UTS2B: variants seen among roughly 807,000 people sequenced by gnomAD.
UTS2B encodes the protein urotensin 2B.
UTS2B carries 21 observed loss-of-function variants against 19.2 expected under a neutral mutation model. The observed-to-expected ratio is 1.09, with a 90% CI of 0.78 to 1.58. UTS2B has a LOEUF of 1.58. UTS2B is among the 40% of genes most tolerant of loss of function. The probability of loss-of-function intolerance (pLI) is 0.00; values close to 1 mark genes in which losing one functional copy is unlikely to be tolerated. For synonymous variants in UTS2B, 57 were observed against 50.2 expected, an observed-to-expected ratio of 1.14 and a Z score of -0.58; for missense variants, 138 against 130.3, an observed-to-expected ratio of 1.06 and a Z score of -0.29.
rs148622377 is a variant in UTS2B at position 191,277,018 on chromosome 3, T to C, written c.203-174A>G. Among the ~76,000 whole-genome samples, 3 of 152,340 alleles carry C rather than the reference T, an allele frequency of 2.0e-5. No individual in the cohort carries two copies. In the East Asian group the frequency reaches 5.8e-4, roughly 29 times the overall value. The stretch of plus-strand genomic sequence containing the variant: ...AGTATATTTCTCAATGCCCATAGTA[T>C]TGAAATGCAATCAGTTATGTCATCT... On this transcript the variant is annotated intron_variant, in intron 6 of 8. Coordinates refer to ENST00000340524, the MANE Select transcript of UTS2B (RefSeq NM_198152.5).
intron 3 of UTS2B, among the ~76,000 whole-genome samples, chr3:191,312,976 A>G (rs1717343617): frequency 6.6e-6 from 1 of 152,082 alleles, no homozygotes; most frequent in South Asian, 2.1e-4. Context: ...GTTCAAGGTC[A>G]TAGGATAAGT....
intron 2 of UTS2B, among the ~76,000 whole-genome samples, chr3:191,319,092 T>G (rs1444601720): frequency 1.3e-5 from 2 of 152,086 alleles, no homozygotes; most frequent in African/African-American, 4.8e-5. Flanking sequence ...GCTGACACTT[T>G]GCTGAATTTT....
chr3:191,276,033 T>G (rs1216100464), intron 7 of UTS2B, among the ~76,000 whole-genome samples: 1 of 152,202 alleles, frequency 6.6e-6, no homozygotes, highest in Non-Finnish European at 1.5e-5. Context: ...GAGCTACAAA[T>G]TATTGTGTCA....
At chr3:191,293,649 C>A (rs1218103733) in intron 4 of UTS2B, among the ~76,000 whole-genome samples, 5 of 151,878 alleles carry the variant, frequency 3.3e-5, no homozygotes, top group Non-Finnish European at 7.4e-5. Context: ...TAAGAAGAGC[C>A]ATGAGATATA....
intron 3 of UTS2B, among the ~76,000 whole-genome samples, chr3:191,310,241 C>G (rs542561255): frequency 6.6e-6 from 1 of 151,914 alleles, no homozygotes; most frequent in Non-Finnish European, 1.5e-5. Context: ...GCTGGGATTA[C>G]AGGCGTAAGC....
chr3:191,275,148 C>T, intron 8 of UTS2B, 104 bp downstream of exon 8: 1 of 800,022 alleles, frequency 1.2e-6, no homozygotes, highest in Non-Finnish European at 2.0e-6. Flanking sequence ...TATTGGTCAC[C>T]ACCATAAGAT....
chr3:191,335,755 G>A, the UTS2B span, among the ~76,000 whole-genome samples: 1 of 152,008 alleles, frequency 6.6e-6, no homozygotes, highest in Non-Finnish European at 1.5e-5. Flanking sequence ...ATTTATCAGT[G>A]GTTCTTTCCT....
rs1716818412 is a variant in UTS2B, at chr3:191,294,958, G to A, written c.-125+9534C>T. On this transcript the variant is annotated intron_variant, in intron 4 of 8. Coordinates refer to ENST00000340524, the MANE Select transcript of UTS2B (RefSeq NM_198152.5). ...AGTTATAAGAATCGCTTGATCCTGG[G>A]AGATTGAGCTTCCAGTGAGCTGAGA... is the stretch of plus-strand genomic sequence containing the variant. Among the ~76,000 whole-genome samples, 3 of 151,902 alleles carry A rather than the reference G, an allele frequency of 2.0e-5. No individual in the cohort carries two copies. The South Asian group carries it at 6.2e-4, about 31-fold the overall frequency.
intron 5 of UTS2B, among the ~76,000 whole-genome samples, chr3:191,281,721 C>T (rs1274539739): frequency 7.1e-6 from 1 of 139,888 alleles, no homozygotes; most frequent in Non-Finnish European, 1.6e-5. Context: ...TCTCCTTTTC[C>T]TTTCCCCAAG....
intron 3 of UTS2B, among the ~76,000 whole-genome samples, chr3:191,313,648 CTTAGT>C (rs573639754): frequency 5.1e-4 from 77 of 151,614 alleles, no homozygotes; most frequent in African/African-American, 1.4e-3. Flanking sequence ...ATAGACGCAG[CTTAGT>C]TTAGTTTTTA....
At chr3:191,340,646 T>C in the UTS2B span, among the ~76,000 whole-genome samples, 13 of 152,178 alleles carry the variant, frequency 8.5e-5, no homozygotes, top group Non-Finnish European at 1.9e-4. Flanking sequence ...GACATTCAGC[T>C]GAAAAAGTTT....
At chr3:191,320,385 G>T (rs1042800845) in intron 2 of UTS2B, among the ~76,000 whole-genome samples, 8 of 152,220 alleles carry the variant, frequency 5.3e-5, no homozygotes, top group Non-Finnish European at 8.8e-5. Flanking sequence ...TGAGGACAGG[G>T]CAGTGAGAAG....
In UTS2B at chr3:191,304,514, C is replaced by T. The variant is rs1717086767; in HGVS notation, c.-147G>A. On this transcript the variant is annotated 5_prime_UTR_variant, in exon 4 of 9. The change creates a premature stop within an existing upstream ORF in the 5' untranslated region. Coordinates refer to ENST00000340524, the MANE Select transcript of UTS2B (RefSeq NM_198152.5). ...CACCATTCTCTCGTGCTATTTCCTCCCAAATAAACTCCTTTGACTTGGATC... is the reference window on the plus strand; with the variant it reads ...CACCATTCTCTCGTGCTATTTCCTCTCAAATAAACTCCTTTGACTTGGATC... 6.6e-6 allele frequency: 1 copy of T among 152,158 alleles called. No homozygotes were observed. The highest frequency in any genetic ancestry group is 2.4e-5 in the African/African-American group (1 of 41,432). The allele number at this position is 152,158 out of a possible 1,614,324, so 9.4% of individuals were successfully genotyped here. A position where few individuals can be genotyped will look rare whatever the true frequency, so the allele number is the denominator to read the frequency against.
intron 2 of UTS2B, chr3:191,328,114 C>T (rs569427455): frequency 2.6e-5 from 4 of 152,314 alleles, no homozygotes; most frequent in Non-Finnish European, 2.9e-5. Context: ...CTATACTTTG[C>T]TACCCTCTGG....
At position 191,302,949 on chromosome 3, in the gene UTS2B, C is replaced by T. The variant is rs181921407; in HGVS notation, c.-125+1543G>A. Among the ~76,000 whole-genome samples the T allele has an allele frequency of 2.5e-4, 38 of 152,258 alleles. 1 individual carries two copies. Among genetic ancestry groups the T allele is most frequent in the Admixed American group, 2.2e-3 (33 of 15,300 alleles). On this transcript the variant is annotated intron_variant, in intron 4 of 8. Coordinates refer to ENST00000340524, the MANE Select transcript of UTS2B (RefSeq NM_198152.5). ...AAAGAAAGTTCCTGTGAAAGGAATG[C>T]AATTGTCATGAGGCCCCTCCTTACA...
intron 3 of UTS2B, among the ~76,000 whole-genome samples, chr3:191,312,909 A>ATGAAAT (rs1174450189): frequency 6.6e-6 from 1 of 152,252 alleles, no homozygotes; most frequent in Non-Finnish European, 1.5e-5. Flanking sequence ...AACGAGGCAC[A>ATGAAAT]GAAATGAAAA....
At chr3:191,275,631 G>C (rs3732708) in intron 7 of UTS2B, among the ~76,000 whole-genome samples, 4,466 of 151,870 alleles carry the variant, frequency 0.029, 143 homozygotes, top group South Asian at 0.12. Context: ...AGTGAGCCGA[G>C]ATTGCACCAC....
At chr3:191,317,972 A>G (rs759644102) in intron 2 of UTS2B, among the ~76,000 whole-genome samples, 3 of 152,190 alleles carry the variant, frequency 2.0e-5, no homozygotes, top group South Asian at 2.1e-4. Context: ...GTCAAGGCTT[A>G]TAAGTCTCAG....
chr3:191,332,347 A>G (rs942508794), upstream of UTS2B, among the ~76,000 whole-genome samples: 1 of 152,232 alleles, frequency 6.6e-6, no homozygotes, highest in Admixed American at 6.5e-5. Context: ...AAATCTCTTA[A>G]ACTGGGAGAC....
Sources: gnomAD v4.1 joint callset for allele counts (sites outside exome capture counted in the v4.1 genomes callset) on GRCh38, gnomAD v4.1.1 for gene constraint, MANE v1.5 for transcripts, NCBI Gene and HGNC (gene_info 2026-07-23, HGNC 2026-07-21) for gene names.